ACACA: variants seen among roughly 807,000 people sequenced by gnomAD.
ACACA encodes the protein acetyl-CoA carboxylase alpha.
Under a neutral mutation model 296.1 loss-of-function variants are expected in ACACA, and 103 were observed. That is an observed-to-expected ratio of 0.35 (90% confidence interval 0.30 to 0.41). The LOEUF (loss-of-function observed/expected upper bound fraction) is 0.41. ACACA is among the 10% of genes least tolerant of loss of function. ACACA has a pLI of 1.00. For synonymous variants in ACACA, 953 were observed against 1,038.6 expected (o/e 0.92, Z 1.58); for missense variants, 1,554 against 2,989.7 (o/e 0.52, Z 11.20).
intron 30 of ACACA, 119 bp from the exon 31 acceptor site, chr17:37,207,919 G>A: frequency 7.7e-7 from 1 of 1,297,960 alleles, no homozygotes; most frequent in South Asian, 1.2e-5. Flanking sequence ...TTGCAGAGCA[G>A]ATTTGGTTTT....
At chr17:37,390,231 T>C (rs1294181316) in intron 1 of ACACA, among the ~76,000 whole-genome samples, 1 of 53,798 alleles carries the variant, frequency 1.9e-5, no homozygotes, top group Non-Finnish European at 2.8e-5. Context: ...TATATAATTA[T>C]ATATAATATA....
At chr17:37,177,956 A>G (rs1933344126) in intron 41 of ACACA, among the ~76,000 whole-genome samples, 2 of 152,204 alleles carry the variant, frequency 1.3e-5, no homozygotes, top group Non-Finnish European at 2.9e-5. Flanking sequence ...CCTTGTATAT[A>G]TAGTGAAATT....
In ACACA at chr17:37,260,267, TATATATATATATATATATATATATATATA is replaced by T. The variant is rs2081400518; in HGVS notation, c.1330-766_1330-738del. On this transcript the variant is annotated intron_variant, in intron 11 of 55. Transcript: ENST00000616317. Reference sequence around the variant, plus strand: ...CCCAAGTCATATATATATATATATATATATATATATATATATATATATATATATATTTTTTTTTTTTTTTTTTTTGGAGA... The same window carrying T: ...CCCAAGTCATATATATATATATATATTTTTTTTTTTTTTTTTTTTTGGAGA... Among the ~76,000 whole-genome samples, 10 of 21,134 alleles carry T rather than the reference TATATATATATATATATATATATATATATA, an allele frequency of 4.7e-4. 1 individual carries two copies. The highest frequency in any genetic ancestry group is 8.2e-3 in the Middle Eastern group (1 of 122). The allele number at this position is 21,134 out of a possible 152,430, so 13.9% of individuals were successfully genotyped here.
chr17:37,376,058 TG>T, intron 1 of ACACA: 1 of 1,577,164 alleles, frequency 6.3e-7, no homozygotes, highest in Non-Finnish European at 8.7e-7. Context: ...AGATGAGCAG[TG>T]GTCTGTCTGC....
intron 42 of ACACA, 134 bp downstream of exon 42, chr17:37,161,647 A>C: frequency 9.2e-7 from 1 of 1,087,038 alleles, no homozygotes; most frequent in Non-Finnish European, 1.3e-6. Flanking sequence ...AATTTTCACA[A>C]ATAATTTTGT....
At chr17:37,354,220 G>A (rs1597689139) in intron 1 of ACACA, among the ~76,000 whole-genome samples, 3 of 152,160 alleles carry the variant, frequency 2.0e-5, no homozygotes, top group African/African-American at 7.2e-5. Flanking sequence ...ACATTATTGT[G>A]GTTCCTTATA....
At chr17:37,285,086 C>T in intron 3 of ACACA, 116 bp from the exon 4 acceptor site, 1 of 1,174,568 alleles carries the variant, frequency 8.5e-7, no homozygotes, top group South Asian at 1.3e-5. Flanking sequence ...TGCATGCTGG[C>T]AGGTCACGTA....
chr17:37,381,690 C>T (rs376957267), intron 1 of ACACA, among the ~76,000 whole-genome samples: 19 of 140,344 alleles, frequency 1.4e-4, no homozygotes, highest in Admixed American at 2.3e-4. Flanking sequence ...TGCAGTGGTG[C>T]GATCTCAGCT....
At chr17:37,382,978 A>C (rs962571307) in intron 1 of ACACA, among the ~76,000 whole-genome samples, 3 of 152,208 alleles carry the variant, frequency 2.0e-5, no homozygotes, top group African/African-American at 7.2e-5. Context: ...CGGAGGTTGC[A>C]GTGAGCCAAG....
chr17:37,124,382 C>G (rs2143126507), intron 48 of ACACA, among the ~76,000 whole-genome samples: 1 of 152,322 alleles, frequency 6.6e-6, no homozygotes, highest in Non-Finnish European at 1.5e-5. Flanking sequence ...GTATTTTTCT[C>G]TTATTTCCCA....
intron 1 of ACACA, among the ~76,000 whole-genome samples, chr17:37,395,956 A>G (rs1325587223): frequency 6.6e-6 from 1 of 152,268 alleles, no homozygotes; most frequent in Non-Finnish European, 1.5e-5. Context: ...CCTCCAATTT[A>G]AACTTTTTAA....
Position 37,113,367 on chromosome 17 carries a change from A to G in ACACA, c.6275-102T>C. ...CTCTGGCCACGAAGAGCCTCCTTAT[A>G]CTATGCCTCCTGTTTGGCCACCCTA... On this transcript the variant is annotated intron_variant, in intron 50 of 55. Coordinates refer to ENST00000616317, the MANE Select transcript of ACACA (RefSeq NM_198834.3). This position sits in a 1 kb window ranked among gnomAD's most constrained non-coding sequence, Gnocchi z 4.0. The G allele has an allele frequency of 7.9e-7, 1 of 1,263,732 alleles. No homozygotes were observed. Among genetic ancestry groups the G allele is most frequent in the Non-Finnish European group, 1.1e-6 (1 of 884,482 alleles). 78.3% of individuals were successfully genotyped at this position (1,263,732 alleles called of 1,614,324 possible).
intron 3 of ACACA, among the ~76,000 whole-genome samples, chr17:37,319,397 A>G (rs1386455772): frequency 2.6e-5 from 4 of 152,220 alleles, no homozygotes; most frequent in African/African-American, 9.6e-5. Flanking sequence ...GAATATATAC[A>G]TATATGCATA....
At chr17:37,300,872 A>G (rs1180439906) in intron 3 of ACACA, among the ~76,000 whole-genome samples, 1 of 152,194 alleles carries the variant, frequency 6.6e-6, no homozygotes, top group Admixed American at 6.5e-5. Context: ...TTCCCTTTAA[A>G]GAACCAAGCT....
intron 1 of ACACA, among the ~76,000 whole-genome samples, chr17:37,391,161 C>G (rs866566007): frequency 2.0e-5 from 3 of 152,168 alleles, no homozygotes; most frequent in Non-Finnish European, 2.9e-5. Context: ...TCGCTTGAAC[C>G]CGGGAGGCAC....
intron 2 of ACACA, among the ~76,000 whole-genome samples, chr17:37,332,232 A>G (rs1158117222): frequency 6.6e-6 from 1 of 151,610 alleles, no homozygotes; most frequent in Admixed American, 6.6e-5. Flanking sequence ...AAAAAAAAAA[A>G]GAAAGAAAAA....
intron 30 of ACACA, among the ~76,000 whole-genome samples, chr17:37,209,072 T>C (rs186487119): frequency 5.8e-4 from 88 of 152,342 alleles, no homozygotes; most frequent in Admixed American, 5.7e-3. Flanking sequence ...TTTATTCCTT[T>C]GGCGAGTGAT....
chr17:37,289,706 A>G (rs2082954083), intron 3 of ACACA, among the ~76,000 whole-genome samples: 1 of 152,210 alleles, frequency 6.6e-6, no homozygotes, highest in African/African-American at 2.4e-5. Flanking sequence ...CCACCACTGC[A>G]TTATAGTATT....
At chr17:37,304,336 C>T (rs553048124) in intron 3 of ACACA, among the ~76,000 whole-genome samples, 2 of 152,184 alleles carry the variant, frequency 1.3e-5, no homozygotes, top group Admixed American at 6.5e-5. Flanking sequence ...ACATATGCTG[C>T]CATGCTCAAA....
Sources: gnomAD v4.1 joint callset for allele counts (sites outside exome capture counted in the v4.1 genomes callset) on GRCh38, gnomAD v4.1.1 for gene constraint, Gnocchi (gnomAD v3.1) non-coding constraint, MANE v1.5 for transcripts, NCBI Gene and HGNC (gene_info 2026-07-23, HGNC 2026-07-21) for gene names.